WDR4: variants seen among roughly 807,000 people sequenced by gnomAD.
WDR4 encodes the protein WDR4 tRNA N7-guanosine methyltransferase non-catalytic subunit.
WDR4 carries 47 observed loss-of-function variants against 48.6 expected under a neutral mutation model. That is an observed-to-expected ratio of 0.97 (90% CI 0.77 to 1.23). The LOEUF is 1.23. Among genes scored for constraint, WDR4 ranks in the 50% most tolerant of loss-of-function variants. The pLI, the probability that WDR4 is intolerant of heterozygous loss-of-function variation, is 0.00. For missense variants in WDR4, 606 were observed against 551.6 expected (o/e 1.10, Z -0.99); for synonymous variants, 268 against 230.0 (o/e 1.17, Z -1.49).
chr21:42,886,630 C>A, the WDR4 span, among the ~76,000 whole-genome samples: 1 of 152,236 alleles, frequency 6.6e-6, no homozygotes, highest in Non-Finnish European at 1.5e-5. Flanking sequence ...ATATTCCCAG[C>A]CTTTTGGGGA....
downstream of WDR4, among the ~76,000 whole-genome samples, chr21:42,847,633 AC>A (rs201256980): frequency 7.6e-3 from 1,164 of 152,352 alleles, 10 homozygotes; most frequent in South Asian, 8.9e-3. Context: ...CAAAGCAGAC[AC>A]AGATAAGACA....
In WDR4 at chr21:42,866,090, A is replaced by G. The variant is rs180819034; in HGVS notation, c.297-2494T>C. On this transcript the variant is annotated intron_variant, in intron 3 of 10. Coordinates refer to ENST00000398208, the MANE Select transcript of WDR4 (RefSeq NM_018669.6). ...CGTGGCTCTCACAGTTGTTTTCGGA[A>G]ACACAGACTCCACTGGGAGGATTTC... is the stretch of plus-strand genomic sequence containing the variant. 3.2e-3 allele frequency among the ~76,000 whole-genome samples: 484 copies of G among 152,216 alleles called. 2 individuals are homozygous for G. Among genetic ancestry groups the G allele is most frequent in the African/African-American group, 0.011 (469 of 41,516 alleles).
intron 8 of WDR4, 133 bp from the exon 9 acceptor site, chr21:42,853,885 G>T: frequency 2.0e-6 from 2 of 998,428 alleles, no homozygotes; most frequent in Non-Finnish European, 2.9e-6. Flanking sequence ...CCCCAGCTGC[G>T]CCACTCCCAA....
chr21:42,874,081 C>T (rs773534347), intron 2 of WDR4, among the ~76,000 whole-genome samples: 8 of 152,092 alleles, frequency 5.3e-5, no homozygotes, highest in Non-Finnish European at 8.8e-5. Context: ...TTTGGTGTTG[C>T]GAGAAGTCAG....
chr21:42,879,625 G>T, upstream of WDR4: 1 of 1,176,770 alleles, frequency 8.5e-7, no homozygotes. Context: ...GCTCAAGGAC[G>T]AGCCTGCCTT....
chr21:42,850,200 G>A lies in WDR4; in HGVS notation c.1088C>T (p.Ala363Val), dbSNP rs1160690485. The A allele has an allele frequency of 6.2e-7, 1 of 1,611,352 alleles. No homozygotes were observed. The highest frequency in any genetic ancestry group is 1.7e-5 in the Admixed American group (1 of 59,324). Residue 363 changes from alanine to valine, a missense_variant, in exon 11 of 11, where the codon GCC becomes GTC. Coordinates refer to ENST00000398208, the MANE Select transcript of WDR4 (RefSeq NM_018669.6). ...GTAGGAGGTCACGTTGTCGAACGTG[G>A]CCTTGTAGAGACTGCTGAAGCTGGC... ...ADASFSSLYK[A>V]TFDNVTSYLK...
chr21:42,891,814 G>C, the WDR4 span, among the ~76,000 whole-genome samples: 1 of 151,778 alleles, frequency 6.6e-6, no homozygotes, highest in Non-Finnish European at 1.5e-5. Flanking sequence ...AAAATTAGCC[G>C]GGCGTGGTGG....
chr21:42,876,956 T>C (rs1395284531), intron 1 of WDR4, among the ~76,000 whole-genome samples, 189 bp from the exon 2 acceptor site: 1 of 151,890 alleles, frequency 6.6e-6, no homozygotes, highest in Admixed American at 6.6e-5. Flanking sequence ...GTAGCTGAGA[T>C]TACAGGCATG....
upstream of WDR4, among the ~76,000 whole-genome samples, chr21:42,880,626 C>G (rs923592161): frequency 1.3e-5 from 2 of 152,178 alleles, no homozygotes; most frequent in African/African-American, 4.8e-5. Context: ...GGCCCGAGTT[C>G]TGCTTCCTGG....
chr21:42,875,690 G>A (rs1484954048), intron 2 of WDR4, among the ~76,000 whole-genome samples: 1 of 152,184 alleles, frequency 6.6e-6, no homozygotes, highest in Non-Finnish European at 1.5e-5. Context: ...CGGGGTAACA[G>A]AGAGACCCTG....
chr21:42,873,643 G>A lies in WDR4; in HGVS notation c.204C>T (p.Thr68=). The change falls in exon 3 of 11, where the codon ACC becomes ACT. Residue 68 remains threonine, a synonymous_variant. Transcript: ENST00000398208. The stretch of plus-strand genomic sequence containing the variant: ...CAAAATAGCTGCCAGACTTGGAGAA[G>A]GTGGACGCCAGAATCGCACCGCTCC... The part of the protein sequence containing the change: ...DQGSGAILAS[T]FSKSGSYFAL... 6.2e-7 allele frequency: 1 copy of A among 1,614,160 alleles called. No homozygotes were observed.
At chr21:42,854,777 G>A (rs1032363106) in intron 7 of WDR4, 151 bp from the exon 8 acceptor site, 7 of 719,868 alleles carry the variant, frequency 9.7e-6, no homozygotes, top group African/African-American at 8.9e-5. Context: ...AATCAGTGGG[G>A]AAAGGAGGGT....
At chr21:42,843,304 A>G (rs2057682208) in intron 11 of WDR4, 2 of 152,182 alleles carry the variant, frequency 1.3e-5, no homozygotes. Context: ...GTAATAATGA[A>G]TTAGCAGAAA....
rs1756770842 is a variant in WDR4 at position 42,862,960 on chromosome 21, C to A, written c.453+480G>T. On this transcript the variant is annotated intron_variant, in intron 4 of 10. Coordinates refer to ENST00000398208, the MANE Select transcript of WDR4 (RefSeq NM_018669.6). This position sits in a 1 kb window ranked among gnomAD's most constrained non-coding sequence, Gnocchi z 4.3. ...ACACGGGGCACACAGAGTGGGGTGA[C>A]AGGGGCTGCTGGGAGCAGTGCTGAG... 1.3e-5 allele frequency among the ~76,000 whole-genome samples: 2 copies of A among 152,282 alleles called. No homozygotes were observed. The highest frequency in any genetic ancestry group is 6.5e-5 in the Admixed American group (1 of 15,294).
intron 10 of WDR4, among the ~76,000 whole-genome samples, chr21:42,850,531 C>T (rs549444598): frequency 1.4e-4 from 22 of 152,306 alleles, no homozygotes; most frequent in Admixed American, 1.4e-3. Flanking sequence ...TGCTTGCACG[C>T]CCGGAGAAAG....
Position 42,858,425 on chromosome 21 carries a change from G to T in WDR4, c.627+1237C>A, listed in dbSNP as rs573229738. ...AGCAACCAGCTGGAGAGCACACTGT[G>T]CAAGGCCTCCCAAGCTCCGAGGGAA... On this transcript the variant is annotated intron_variant, in intron 6 of 10. Transcript: ENST00000398208. Among the ~76,000 whole-genome samples, 8 of 152,194 alleles carry T rather than the reference G, an allele frequency of 5.3e-5. No homozygotes were observed. The South Asian group carries it at 1.2e-3, about 24-fold the overall frequency.
intron 5 of WDR4, among the ~76,000 whole-genome samples, chr21:42,861,899 C>T (rs1012323008): frequency 3.9e-5 from 6 of 152,176 alleles, no homozygotes; most frequent in Non-Finnish European, 7.4e-5. Context: ...CTGCAGAGGC[C>T]GCTTAATTCT....
intron 6 of WDR4, among the ~76,000 whole-genome samples, chr21:42,856,137 G>A (rs1010520288): frequency 6.6e-5 from 10 of 152,162 alleles, no homozygotes; most frequent in African/African-American, 1.7e-4. Flanking sequence ...GCATAGACAC[G>A]GGCATGCACA....
intron 2 of WDR4, among the ~76,000 whole-genome samples, chr21:42,875,293 T>C (rs1165748754): frequency 6.6e-6 from 1 of 152,124 alleles, no homozygotes; most frequent in Non-Finnish European, 1.5e-5. Context: ...GCCTCACACC[T>C]GTAATCCCAG....
Sources: allele counts gnomAD v4.1 joint callset (sites outside exome capture counted in the v4.1 genomes callset), GRCh38; gene constraint gnomAD v4.1.1; non-coding constraint Gnocchi (gnomAD v3.1); transcripts MANE v1.5; gene names NCBI Gene and HGNC (gene_info 2026-07-23, HGNC 2026-07-21).